The following PTPRB variants were observed in gnomAD, a reference collection of about 807,000 sequenced individuals.
The protein encoded by PTPRB is receptor-type tyrosine-protein phosphatase beta.
A neutral mutation model predicts 238.1 loss-of-function variants in PTPRB; 97 were observed. The ratio of observed to expected loss-of-function variants is 0.41; its 90% CI spans 0.35 to 0.48. The LOEUF (loss-of-function observed/expected upper bound fraction) is 0.48. Ranked by LOEUF, PTPRB falls within the 20% of genes least tolerant of loss-of-function variation. PTPRB has a pLI of 0.30. For synonymous variants in PTPRB, 970 were observed against 995.4 expected (o/e 0.97, Z 0.48); for missense variants, 2,292 against 2,681.9 (o/e 0.85, Z 3.21).
At chr12:70,521,572 G>A (rs1871662584) in intron 33 of PTPRB, 61 bp from the exon 34 acceptor site, 3 of 1,386,284 alleles carry the variant, frequency 2.2e-6, no homozygotes, top group Admixed American at 3.0e-5. Context: ...TGTTTACGCT[G>A]TTTATGAAAA....
chr12:70,601,953 G>A (rs1311898612), intron 4 of PTPRB, among the ~76,000 whole-genome samples: 2 of 140,556 alleles, frequency 1.4e-5, no homozygotes, highest in Admixed American at 7.3e-5. Flanking sequence ...ACCACGCCCG[G>A]CTAAGTTTTT....
In PTPRB at chr12:70,637,355, A is replaced by T. The variant is rs756346108; in HGVS notation, c.41T>A (p.Ile14Asn). The change falls in exon 1 of 34, where the codon ATC becomes AAC. Residue 14 changes from isoleucine to asparagine, a missense_variant. Around this residue, in one of 4 missense-constraint regions of PTPRB, gnomAD observed 1,205 missense variants for 1,287.8 expected, o/e 0.94. Coordinates refer to ENST00000334414, the MANE Select transcript of PTPRB (RefSeq NM_001109754.4). The part of the protein sequence containing the change: ...EFYMVILTCL[I>N]FRNSEGFQIV... Reference sequence around the variant, plus strand: ...GACCCACTCACCTGAGTTCCTGAAGATCAAGCAGGTAAGAATCACCATGTA... The same window carrying T: ...GACCCACTCACCTGAGTTCCTGAAGTTCAAGCAGGTAAGAATCACCATGTA... The T allele has an allele frequency of 6.2e-7, 1 of 1,608,896 alleles. No homozygotes were observed. The highest frequency in any genetic ancestry group is 1.7e-5 in the Admixed American group (1 of 59,322).
chr12:70,586,997 A>G lies in PTPRB; in HGVS notation c.2311+10T>C. On this transcript the variant is annotated intron_variant, in intron 9 of 33. Transcript: ENST00000334414. The stretch of plus-strand genomic sequence containing the variant: ...ACACTTTAAAATGTAAAATTTATAA[A>G]GGTTACTACCTGTTCTTCCTTTTAC... The G allele has an allele frequency of 6.2e-7, 1 of 1,600,696 alleles. No homozygotes were observed. The highest frequency in any genetic ancestry group is 8.5e-7 in the Non-Finnish European group (1 of 1,173,042).
intron 4 of PTPRB, among the ~76,000 whole-genome samples, chr12:70,597,851 C>CTATG (rs760782963): frequency 2.6e-5 from 4 of 152,182 alleles, no homozygotes; most frequent in Non-Finnish European, 4.4e-5. Flanking sequence ...ACTCATAAGA[C>CTATG]TATGTATGGC....
chr12:70,531,959 T>G, intron 32 of PTPRB, 76 bp downstream of exon 32: 1 of 1,540,014 alleles, frequency 6.5e-7, no homozygotes, highest in Non-Finnish European at 9.0e-7. Context: ...CTTGTCAGAT[T>G]AAGGTCCTGG....
rs887484111 is a variant in PTPRB at position 70,596,394 on chromosome 12, G to A, written c.980-67C>T. The A allele has an allele frequency of 3.1e-5, 40 of 1,300,192 alleles. No individual in the cohort carries two copies. The Middle Eastern group carries it at 8.5e-4, about 28-fold the overall frequency. The allele number at this position is 1,300,192 out of a possible 1,614,324, so 80.5% of individuals were successfully genotyped here. On this transcript the variant is annotated intron_variant, in intron 4 of 33. Coordinates refer to ENST00000334414, the MANE Select transcript of PTPRB (RefSeq NM_001109754.4). The stretch of plus-strand genomic sequence containing the variant: ...AAGAAAAAGAAAAAAAAAGAACATG[G>A]CTTGAAGACTTTTGCAAATAACTGC...
At position 70,592,394 on chromosome 12, in the gene PTPRB, A is replaced by G; in HGVS notation, c.1668T>C (p.Pro556=). 6.2e-7 allele frequency: 1 copy of G among 1,613,874 alleles called. No homozygotes were observed. Among genetic ancestry groups the G allele is most frequent in the Non-Finnish European group, 8.5e-7 (1 of 1,179,770 alleles). The change falls in exon 7 of 34, where the codon CCT becomes CCC. Residue 556 remains proline (P), a synonymous_variant. Transcript: ENST00000334414. ...CTTTAAAGTGAGTTTCAGTAATCCA[A>G]GGTGCTAATACTCTGGATTCCTTGA... ...GTIKESRVLA[P]WITETHFKEL...
intron 10 of PTPRB, among the ~76,000 whole-genome samples, chr12:70,580,818 C>CA (rs367612705): frequency 0.058 from 6,207 of 107,946 alleles, 319 homozygotes; most frequent in African/African-American, 0.16. Context: ...AATTCCGTCT[C>CA]AAAAAAAAAA....
chr12:70,519,249 T>A lies in PTPRB; in HGVS notation c.*2240A>T, dbSNP rs1270424886. 3.3e-5 allele frequency: 5 copies of A among 152,180 alleles called. No individual in the cohort carries two copies. The South Asian group carries it at 6.2e-4, about 19-fold the overall frequency. 9.4% of individuals were successfully genotyped at this position (152,180 alleles called of 1,614,324 possible). A position where few individuals can be genotyped will look rare whatever the true frequency, so the allele number is the denominator to read the frequency against. On this transcript the variant is annotated 3_prime_UTR_variant, in exon 34 of 34. Transcript: ENST00000334414. ...CTATTACAGATGCATAGGTTTTTTT[T>A]ATGGTTTTAACTCCTGGTTTGTGCA... is the stretch of plus-strand genomic sequence containing the variant.
intron 3 of PTPRB, among the ~76,000 whole-genome samples, chr12:70,620,451 T>G (rs1362069634): frequency 6.6e-6 from 1 of 152,246 alleles, no homozygotes; most frequent in Non-Finnish European, 1.5e-5. Flanking sequence ...AACCCTTTAG[T>G]GTTCAAGGCA....
At chr12:70,530,690 G>T (rs1032603238) in intron 32 of PTPRB, among the ~76,000 whole-genome samples, 2 of 152,150 alleles carry the variant, frequency 1.3e-5, no homozygotes, top group African/African-American at 4.8e-5. Context: ...AGAAGCAGGG[G>T]TTTGGGTACA....
intron 33 of PTPRB, among the ~76,000 whole-genome samples, chr12:70,522,246 A>G (rs1305855148): frequency 6.6e-6 from 1 of 152,184 alleles, no homozygotes; most frequent in Non-Finnish European, 1.5e-5. Flanking sequence ...TCAAAGAAAG[A>G]TTATCTGATT....
intron 16 of PTPRB, among the ~76,000 whole-genome samples, chr12:70,562,287 C>T (rs150546486): frequency 2.6e-5 from 4 of 150,944 alleles, no homozygotes; most frequent in East Asian, 1.9e-4. Flanking sequence ...TCGTCCCCCC[C>T]CAAAACATTT....
Position 70,587,091 on chromosome 12 carries a change from G to A in PTPRB, c.2227C>T (p.Leu743=). ...KDAKEFTFTD[L]VPGRKYMATV... ...GCCATGTATTTTCGTCCAGGCACCA[G>A]GTCAGTAAAAGTGAATTCTTTGGCA... Residue 743 remains leucine, a synonymous_variant, in exon 9 of 34, where the codon CTG becomes TTG. Transcript: ENST00000334414. The A allele has an allele frequency of 6.2e-7, 1 of 1,613,822 alleles. No individual in the cohort carries two copies. The highest frequency in any genetic ancestry group is 8.5e-7 in the Non-Finnish European group (1 of 1,179,742).
intron 21 of PTPRB, 36 bp downstream of exon 21, chr12:70,552,741 T>C (rs1877081165): frequency 6.2e-7 from 1 of 1,610,426 alleles, no homozygotes; most frequent in Non-Finnish European, 8.5e-7. Flanking sequence ...TAATGTAGCA[T>C]GTCCCTTCTA....
intron 20 of PTPRB, among the ~76,000 whole-genome samples, 195 bp from the exon 21 acceptor site, chr12:70,553,215 CATAA>C (rs1363027822): frequency 6.6e-6 from 1 of 152,076 alleles, no homozygotes; most frequent in Non-Finnish European, 1.5e-5. Flanking sequence ...TTCCAAAATA[CATAA>C]ATAGTGTGTA....
rs564097414 is a variant in PTPRB, at chr12:70,516,569, C to T, written c.*4920G>A. 3.0e-3 allele frequency: 458 copies of T among 152,280 alleles called. 1 individual carries two copies. Among genetic ancestry groups the T allele is most frequent in the African/African-American group, 0.01 (429 of 41,556 alleles). The allele number at this position is 152,280 out of a possible 1,614,324, so 9.4% of individuals were successfully genotyped here. A position where few individuals can be genotyped will look rare whatever the true frequency, so the allele number is the denominator to read the frequency against. On this transcript the variant is annotated 3_prime_UTR_variant, in exon 34 of 34. Coordinates refer to ENST00000334414, the MANE Select transcript of PTPRB (RefSeq NM_001109754.4). ...CTTAAAGCCACAATTTCATGTGTTC[C>T]TTTCTTGATGGAGGTGCTTATCTAC... is the stretch of plus-strand genomic sequence containing the variant.
Position 70,560,354 on chromosome 12 carries a change from TAA to T in PTPRB, c.4432+315_4432+316del, listed in dbSNP as rs1878331726. 6.6e-6 allele frequency among the ~76,000 whole-genome samples: 1 copy of T among 152,136 alleles called. No homozygotes were observed. The highest frequency in any genetic ancestry group is 1.5e-5 in the Non-Finnish European group (1 of 68,016). On this transcript the variant is annotated intron_variant, in intron 17 of 33. Transcript: ENST00000334414. The surrounding 1 kb of genome is among the most constrained non-coding windows in gnomAD (Gnocchi z 4.2). ...CAGACCTCTGTGTGTGCCCATGACA[TAA>T]AAACAGTTAGGAAGCACTGGTGATA... is the stretch of plus-strand genomic sequence containing the variant.
chr12:70,569,585 G>T lies in PTPRB; in HGVS notation c.3634+90C>A. 2.0e-6 allele frequency: 3 copies of T among 1,489,782 alleles called. No homozygotes were observed. The Admixed American group carries it at 5.1e-5, about 26-fold the overall frequency. The allele number at this position is 1,489,782 out of a possible 1,614,324, so 92.3% of individuals were successfully genotyped here. On this transcript the variant is annotated intron_variant, in intron 14 of 33. Coordinates refer to ENST00000334414, the MANE Select transcript of PTPRB (RefSeq NM_001109754.4). ...ACAAACTTTGGTGGTTTTAAATCTG[G>T]ATTTGTGAATAGCTGAGCCCGTTCA...
Sources: allele counts gnomAD v4.1 joint callset (sites outside exome capture counted in the v4.1 genomes callset), GRCh38; gene constraint gnomAD v4.1.1; regional missense constraint gnomAD v4.1.1; non-coding constraint Gnocchi (gnomAD v3.1); transcripts MANE v1.5; gene names NCBI Gene and HGNC (gene_info 2026-07-23, HGNC 2026-07-21).